Variants in BNIP2 observed in about 807,000 individuals in gnomAD.
BNIP2 encodes BCL2/adenovirus E1B 19 kDa protein-interacting protein 2.
A neutral mutation model predicts 43.4 loss-of-function variants in BNIP2; 36 were observed. The observed-to-expected ratio is 0.83, with a 90% CI of 0.64 to 1.10. The LOEUF is 1.10. Ranked by LOEUF, BNIP2 falls within the 50% of genes least tolerant of loss-of-function variation. The probability of loss-of-function intolerance (pLI) is 0.00; values close to 1 mark genes in which losing one functional copy is unlikely to be tolerated. For synonymous variants in BNIP2, 146 were observed against 121.0 expected (o/e 1.21, Z -1.35); for missense variants, 417 against 374.1 (o/e 1.11, Z -0.95).
In BNIP2 at chr15:59,679,624, G is replaced by A. The variant is rs141152343; in HGVS notation, c.263C>T (p.Pro88Leu). The change falls in exon 4 of 10, where the codon CCG becomes CTG. Residue 88 changes from proline (P) to leucine (L), a missense_variant. Pro to Leu is a moderately conservative substitution (Grantham distance 98). Transcript: ENST00000607373. Reference protein sequence around the residue: ...GEIDLDGLDTPSENSNEFEWE... With the variant: ...GEIDLDGLDTLSENSNEFEWE... The stretch of plus-strand genomic sequence containing the variant: ...CTCAAACTCATTACTATTCTCTGAC[G>A]GTGTGTCTAAGCCATCTAAGTCAAT... The A allele has an allele frequency of 6.0e-5, 97 of 1,612,674 alleles. No homozygotes were observed. The highest frequency in any genetic ancestry group is 1.9e-4 in the African/African-American group (14 of 74,782).
In BNIP2 at chr15:59,661,328, T is replaced by TC. The variant is rs1331959462; in HGVS notation, c.*2740dup. The TC allele has an allele frequency of 2.3e-4, 3 of 13,160 alleles. No homozygotes were observed. The highest frequency in any genetic ancestry group is 3.8e-4 in the Non-Finnish European group (3 of 7,918). 0.8% of individuals were successfully genotyped at this position (13,160 alleles called of 1,614,324 possible). On this transcript the variant is annotated 3_prime_UTR_variant, in exon 10 of 10. Coordinates refer to ENST00000607373, the MANE Select transcript of BNIP2 (RefSeq NM_004330.4). Reference sequence around the variant, plus strand: ...ATGGGTGACAGAGTGAGTCTCTGTCTCCAAAAAAAAAAAAAAAAAAAGAGA... The same window carrying TC: ...ATGGGTGACAGAGTGAGTCTCTGTCTCCCAAAAAAAAAAAAAAAAAAAGAGA...
chr15:59,669,387 A>G (rs745954102), intron 7 of BNIP2, 25 bp from the exon 8 acceptor site: 1 of 1,357,432 alleles, frequency 7.4e-7, no homozygotes, highest in South Asian at 1.5e-5. Context: ...AAAAACACAC[A>G]CACACAAAGA....
chr15:59,671,073 CA>C (rs56337803), intron 7 of BNIP2, 109 bp downstream of exon 7: 19,101 of 812,580 alleles, frequency 0.024, 2 homozygotes, highest in East Asian at 0.08. Flanking sequence ...AACTCCGTCT[CA>C]AAAAAAAAAA....
chr15:59,659,159 A>T lies in BNIP2; in HGVS notation c.*4910T>A, dbSNP rs989920035. 6.6e-6 allele frequency: 1 copy of T among 152,238 alleles called. No homozygotes were observed. The highest frequency in any genetic ancestry group is 1.5e-5 in the Non-Finnish European group (1 of 68,048). 9.4% of individuals were successfully genotyped at this position (152,238 alleles called of 1,614,324 possible). ...AAGACAAAGACGAACGTTCCAATTAATTTATTTAAATTCATTAATGTTGCA... is the reference window on the plus strand; with the variant it reads ...AAGACAAAGACGAACGTTCCAATTATTTTATTTAAATTCATTAATGTTGCA... On this transcript the variant is annotated 3_prime_UTR_variant, in exon 10 of 10. Coordinates refer to ENST00000607373, the MANE Select transcript of BNIP2 (RefSeq NM_004330.4).
At chr15:59,675,117 C>T (rs1365095186) in intron 5 of BNIP2, among the ~76,000 whole-genome samples, 3 of 151,736 alleles carry the variant, frequency 2.0e-5, no homozygotes, top group East Asian at 1.9e-4. Context: ...GGCGTGGTGG[C>T]GTGCACCTGT....
At chr15:59,686,453 AT>A (rs1295009076) in intron 1 of BNIP2, among the ~76,000 whole-genome samples, 3 of 152,164 alleles carry the variant, frequency 2.0e-5, no homozygotes, top group Non-Finnish European at 4.4e-5. Context: ...ATTTTACTAT[AT>A]GCAGTTTAAT....
chr15:59,686,741 G>T (rs1419827708), intron 1 of BNIP2, among the ~76,000 whole-genome samples: 1 of 152,156 alleles, frequency 6.6e-6, no homozygotes, highest in Admixed American at 6.5e-5. Flanking sequence ...CACAAGCCGG[G>T]CATGGTGGCT....
chr15:59,668,957 A>G lies in BNIP2; in HGVS notation c.828T>C (p.Phe276=). The G allele has an allele frequency of 6.2e-7, 1 of 1,613,726 alleles. No homozygotes were observed. The highest frequency in any genetic ancestry group is 8.5e-7 in the Non-Finnish European group (1 of 1,179,758). Residue 276 remains phenylalanine (F), a synonymous_variant, in exon 9 of 10, where the codon TTT becomes TTC. Transcript: ENST00000607373. The part of the protein sequence containing the change: ...SKFSQKIRYV[F]NLAELAELVP... ...CAAGTTCTGCTAGTTCTGCCAAATT[A>G]AACACGTATCTAATTTTTTGGCTGA...
Position 59,664,204 on chromosome 15 carries a change from T to C in BNIP2, c.894-84A>G, listed in dbSNP as rs1256133207. ...AAATAATGACTATTTTAGCATAGAATATTACTCTGTTAAAGACAAAGCTTT... is the reference window on the plus strand; with the variant it reads ...AAATAATGACTATTTTAGCATAGAACATTACTCTGTTAAAGACAAAGCTTT... On this transcript the variant is annotated intron_variant, in intron 9 of 9. Coordinates refer to ENST00000607373, the MANE Select transcript of BNIP2 (RefSeq NM_004330.4). The C allele has an allele frequency of 6.9e-6, 6 of 868,564 alleles. No homozygotes were observed. The African/African-American group carries it at 1.0e-4, about 15-fold the overall frequency. The allele number at this position is 868,564 out of a possible 1,614,324, so 53.8% of individuals were successfully genotyped here.
chr15:59,664,303 A>G (rs1184860765), intron 9 of BNIP2, among the ~76,000 whole-genome samples, 183 bp from the exon 10 acceptor site: 1 of 152,250 alleles, frequency 6.6e-6, no homozygotes, highest in Non-Finnish European at 1.5e-5. Flanking sequence ...TTTTAAAGGC[A>G]GGAGGACACT....
At chr15:59,685,428 G>T (rs1235624692) in intron 1 of BNIP2, among the ~76,000 whole-genome samples, 1 of 152,180 alleles carries the variant, frequency 6.6e-6, no homozygotes, top group Non-Finnish European at 1.5e-5. Flanking sequence ...TGGAACCCCA[G>T]AGGTGAAGGT....
chr15:59,677,410 G>A lies in BNIP2; in HGVS notation c.472+501C>T, dbSNP rs550183365. ...GGTTTTCCGTACTCCAAACCATCAG[G>A]TGGACACAGTCCTAGGAACCATTAT... On this transcript the variant is annotated intron_variant, in intron 5 of 9. Coordinates refer to ENST00000607373, the MANE Select transcript of BNIP2 (RefSeq NM_004330.4). 4.7e-6 allele frequency: 7 copies of A among 1,498,476 alleles called. No individual in the cohort carries two copies. The African/African-American group carries it at 8.4e-5, about 18-fold the overall frequency. 92.8% of individuals were successfully genotyped at this position (1,498,476 alleles called of 1,614,324 possible). A position where few individuals can be genotyped will look rare whatever the true frequency, so the allele number is the denominator to read the frequency against.
chr15:59,678,358 T>C (rs1893443996), intron 4 of BNIP2: 1 of 1,161,482 alleles, frequency 8.6e-7, no homozygotes, highest in Non-Finnish European at 1.1e-6. Flanking sequence ...TCAGAAAATA[T>C]AATTTGTAGA....
rs1894177037 is a variant in BNIP2, at chr15:59,688,656, G to C, written c.-58+479C>G. On this transcript the variant is annotated intron_variant, in intron 1 of 9. Coordinates refer to ENST00000607373, the MANE Select transcript of BNIP2 (RefSeq NM_004330.4). Reference sequence around the variant, plus strand: ...GTACACACTCTGTATTTGGTTTAGCGTACTAGGGAAGATCTATTAAAGCCC... The same window carrying C: ...GTACACACTCTGTATTTGGTTTAGCCTACTAGGGAAGATCTATTAAAGCCC... 1.5e-5 allele frequency: 22 copies of C among 1,489,720 alleles called. No homozygotes were observed. The South Asian group carries it at 2.5e-4, about 17-fold the overall frequency. The allele number at this position is 1,489,720 out of a possible 1,614,324, so 92.3% of individuals were successfully genotyped here. A position where few individuals can be genotyped will look rare whatever the true frequency, so the allele number is the denominator to read the frequency against.
At chr15:59,688,753 T>C in intron 1 of BNIP2, 4 of 1,535,716 alleles carry the variant, frequency 2.6e-6, no homozygotes, top group Non-Finnish European at 3.5e-6. Flanking sequence ...GTTTCTTTGT[T>C]CTGTACCAGG....
intron 5 of BNIP2, among the ~76,000 whole-genome samples, chr15:59,675,546 G>A (rs2142003731): frequency 6.6e-6 from 1 of 152,120 alleles, no homozygotes; most frequent in Middle Eastern, 3.4e-3. Flanking sequence ...GGAGGCAGAG[G>A]TTGCAGTGAG....
chr15:59,667,991 T>C (rs1248399111), intron 9 of BNIP2: 1 of 653,188 alleles, frequency 1.5e-6, no homozygotes, highest in African/African-American at 2.0e-5. Context: ...GGTACATTTA[T>C]ATTTGCAAAT....
At chr15:59,666,004 T>C (rs1462475059) in intron 9 of BNIP2, among the ~76,000 whole-genome samples, 5 of 152,154 alleles carry the variant, frequency 3.3e-5, no homozygotes, top group Non-Finnish European at 7.3e-5. Flanking sequence ...ATGCAAAATA[T>C]ATCAAATCCT....
intron 9 of BNIP2, among the ~76,000 whole-genome samples, chr15:59,668,423 G>A (rs1407926637): frequency 1.3e-5 from 2 of 152,208 alleles, no homozygotes; most frequent in Non-Finnish European, 2.9e-5. Flanking sequence ...ATGGAAGAAT[G>A]TGAATCTGAT....
Sources: allele counts gnomAD v4.1 joint callset (sites outside exome capture counted in the v4.1 genomes callset), GRCh38; gene constraint gnomAD v4.1.1; transcripts MANE v1.5; gene names NCBI Gene and HGNC (gene_info 2026-07-23, HGNC 2026-07-21).